Variants in SLC6A3 observed in about 807,000 individuals in gnomAD.
SLC6A3 encodes the protein solute carrier family 6 member 3.
A neutral mutation model predicts 70.4 loss-of-function variants in SLC6A3; 19 were observed. The ratio of observed to expected loss-of-function variants is 0.27; its 90% CI spans 0.19 to 0.40. The LOEUF (loss-of-function observed/expected upper bound fraction) is 0.40. Among genes scored for constraint, SLC6A3 ranks in the 10% least tolerant of loss-of-function variants. SLC6A3 has a pLI of 1.00. For synonymous variants in SLC6A3, 368 were observed against 356.6 expected, an observed-to-expected ratio of 1.03 and a Z score of -0.36; for missense variants, 613 against 838.5, an observed-to-expected ratio of 0.73 and a Z score of 3.32.
rs1240496502 is a variant in SLC6A3 at position 1,397,288 on chromosome 5, A to G, written c.1840-2530T>C. On this transcript the variant is annotated intron_variant, in intron 14 of 14. Transcript: ENST00000270349. The surrounding 1 kb of genome is among the most constrained non-coding windows in gnomAD (Gnocchi z 4.7). ...GAGAGGAAAAATAAAAAGAAACCAA[A>G]TTAACGGTGGTGGGTGCCTGCAGTC... 1.3e-5 allele frequency among the ~76,000 whole-genome samples: 2 copies of G among 152,120 alleles called. No homozygotes were observed. The highest frequency in any genetic ancestry group is 4.8e-5 in the African/African-American group (2 of 41,438).
intron 8 of SLC6A3, 45 bp downstream of exon 8, chr5:1,414,646 C>T (rs768979705): frequency 2.1e-5 from 33 of 1,607,572 alleles, no homozygotes; most frequent in Non-Finnish European, 2.7e-5. Context: ...GAGCTCGGCG[C>T]TGGTGCTACA....
chr5:1,415,971 C>T (rs1489907787), intron 7 of SLC6A3, 127 bp downstream of exon 7: 7 of 741,292 alleles, frequency 9.4e-6, no homozygotes, highest in Admixed American at 2.0e-5. Context: ...TGAAAGGCCA[C>T]GCAGCTCACA....
intron 4 of SLC6A3, 44 bp downstream of exon 4, chr5:1,432,420 G>C (rs761705494): frequency 1.4e-6 from 2 of 1,467,456 alleles, no homozygotes; most frequent in East Asian, 4.6e-5. Flanking sequence ...GGGGGACCTG[G>C]CTGCGCCATC....
intron 6 of SLC6A3, 149 bp downstream of exon 6, chr5:1,420,420 A>G: frequency 1.2e-6 from 1 of 846,836 alleles, no homozygotes; most frequent in Non-Finnish European, 2.0e-6. Context: ...CTCGTGCTGT[A>G]TCACAGGTAC....
rs1256522536 is a variant in SLC6A3, at chr5:1,404,938, C to T, written c.1599+1250G>A. Among the ~76,000 whole-genome samples the T allele has an allele frequency of 6.6e-6, 1 of 152,228 alleles. No individual in the cohort carries two copies. The highest frequency in any genetic ancestry group is 1.5e-5 in the Non-Finnish European group (1 of 68,054). On this transcript the variant is annotated intron_variant, in intron 12 of 14. Transcript: ENST00000270349. The surrounding 1 kb of genome is among the most constrained non-coding windows in gnomAD (Gnocchi z 5.2). ...CCTCTGGGTGTTAAGAGGAGACACC[C>T]CCTCAAGGGGAGCCAACGTCCTCAT...
chr5:1,399,624 G>A (rs531899422), intron 14 of SLC6A3, among the ~76,000 whole-genome samples: 7 of 152,174 alleles, frequency 4.6e-5, no homozygotes, highest in East Asian at 1.9e-4. Flanking sequence ...GAGCAGGACC[G>A]GAGGCCCAGT....
chr5:1,412,389 TAA>T (rs1486533191), intron 8 of SLC6A3, among the ~76,000 whole-genome samples: 1 of 152,168 alleles, frequency 6.6e-6, no homozygotes, highest in African/African-American at 2.4e-5. Flanking sequence ...GCTTCGGAGA[TAA>T]GAGACAAACC....
intron 9 of SLC6A3, among the ~76,000 whole-genome samples, chr5:1,410,801 T>C (rs913254430): frequency 6.6e-6 from 1 of 151,990 alleles, no homozygotes; most frequent in Non-Finnish European, 1.5e-5. Flanking sequence ...TGCATGTCTG[T>C]GTGTATGTGT....
chr5:1,404,009 G>A lies in SLC6A3; in HGVS notation c.1600-920C>T, dbSNP rs535795830. On this transcript the variant is annotated intron_variant, in intron 12 of 14. Transcript: ENST00000270349. The surrounding 1 kb of genome is among the most constrained non-coding windows in gnomAD (Gnocchi z 5.2). ...TCTGTGTACCTGGGTCCTTCCCAAG[G>A]ACACAAGTGAAGCTCTGATAGATAT... Among the ~76,000 whole-genome samples the A allele has an allele frequency of 6.6e-6, 1 of 152,348 alleles. No individual in the cohort carries two copies. The highest frequency in any genetic ancestry group is 1.9e-4 in the East Asian group (1 of 5,190).
chr5:1,398,976 A>G (rs73028257), intron 14 of SLC6A3, among the ~76,000 whole-genome samples: 11,307 of 152,284 alleles, frequency 0.074, 1,209 homozygotes, highest in African/African-American at 0.24. Flanking sequence ...TGGGTAACAT[A>G]ATATATAACC....
rs1756859008 is a variant in SLC6A3, at chr5:1,437,252, A to T, written c.418+4107T>A. On this transcript the variant is annotated intron_variant, in intron 3 of 14. Coordinates refer to ENST00000270349, the MANE Select transcript of SLC6A3 (RefSeq NM_001044.5). The surrounding 1 kb of genome is among the most constrained non-coding windows in gnomAD (Gnocchi z 4.8). ...GTGACAGAGCGAGATTCCGTCTCAC[A>T]AAAAAAAAAAAAAAGAAAAGAAAAG... 1.9e-5 allele frequency among the ~76,000 whole-genome samples: 1 copy of T among 52,066 alleles called. No individual in the cohort carries two copies. Among genetic ancestry groups the T allele is most frequent in the African/African-American group, 7.4e-5 (1 of 13,568 alleles). The allele number at this position is 52,066 out of a possible 152,430, so 34.2% of individuals were successfully genotyped here. A position where few individuals can be genotyped will look rare whatever the true frequency, so the allele number is the denominator to read the frequency against.
chr5:1,429,476 T>C (rs1319513879), intron 4 of SLC6A3, among the ~76,000 whole-genome samples: 2 of 152,238 alleles, frequency 1.3e-5, no homozygotes, highest in Admixed American at 6.5e-5. Flanking sequence ...AACTTCCAAA[T>C]AGACTTCGCT....
rs567977633 is a variant in SLC6A3 at position 1,410,125 on chromosome 5, G to A, written c.1270-276C>T. Among the ~76,000 whole-genome samples, 15 of 152,294 alleles carry A rather than the reference G, an allele frequency of 9.8e-5. No individual in the cohort carries two copies. In the East Asian group the frequency reaches 1.9e-3, roughly 20 times the overall value. The stretch of plus-strand genomic sequence containing the variant: ...CGATGTCTCTGGGTGGGTAAGATGC[G>A]GCATGGCTAAAACAATGCCACCCTG... On this transcript the variant is annotated intron_variant, in intron 9 of 14. Transcript: ENST00000270349.
At chr5:1,432,788 G>A in intron 3 of SLC6A3, 90 bp from the exon 4 acceptor site, 2 of 878,696 alleles carry the variant, frequency 2.3e-6, no homozygotes, top group Non-Finnish European at 3.8e-6. Context: ...CCTCACGGGA[G>A]ACATTACCCT....
At chr5:1,431,926 A>G (rs1413429369) in intron 4 of SLC6A3, among the ~76,000 whole-genome samples, 1 of 152,192 alleles carries the variant, frequency 6.6e-6, no homozygotes, top group Non-Finnish European at 1.5e-5. Context: ...TGAAAAGCGG[A>G]CGGCTGGGTC....
rs907627083 is a variant in SLC6A3, at chr5:1,411,030, G to T, written c.1269+213C>A. 5.3e-5 allele frequency among the ~76,000 whole-genome samples: 8 copies of T among 152,126 alleles called. No individual in the cohort carries two copies. Among genetic ancestry groups the T allele is most frequent in the African/African-American group, 1.9e-4 (8 of 41,434 alleles). ...AGGGCACACAGGTACCCCAGAGTAG[G>T]GGGATAAAGGGAAAGGTAAACTCCA... On this transcript the variant is annotated intron_variant, in intron 9 of 14. Coordinates refer to ENST00000270349, the MANE Select transcript of SLC6A3 (RefSeq NM_001044.5). The surrounding 1 kb of genome is among the most constrained non-coding windows in gnomAD (Gnocchi z 6.5).
chr5:1,442,902 T>C lies in SLC6A3; in HGVS notation c.286+10A>G. On this transcript the variant is annotated intron_variant, in intron 2 of 14. Transcript: ENST00000270349. The surrounding 1 kb of genome is among the most constrained non-coding windows in gnomAD (Gnocchi z 5.0). ...GCCAGCATGCTCAGGGAGGCTGAGA[T>C]GGGACTTACCGCCACCATTTTTGTA... The C allele has an allele frequency of 6.2e-7, 1 of 1,614,070 alleles. No homozygotes were observed. The highest frequency in any genetic ancestry group is 8.5e-7 in the Non-Finnish European group (1 of 1,179,960).
chr5:1,401,046 C>A lies in SLC6A3; in HGVS notation c.1768-60G>T. On this transcript the variant is annotated intron_variant, in intron 13 of 14. Transcript: ENST00000270349. This position sits in a 1 kb window ranked among gnomAD's most constrained non-coding sequence, Gnocchi z 6.1. ...ACCAGTACCCACTGCCAGCACCCAC[C>A]ACTGACTCACACTGCCAGGACCCTC... 8.1e-7 allele frequency: 1 copy of A among 1,237,414 alleles called. No homozygotes were observed. 76.7% of individuals were successfully genotyped at this position (1,237,414 alleles called of 1,614,324 possible).
In SLC6A3 at chr5:1,421,780, A is replaced by G; in HGVS notation, c.792+96T>C. 7.2e-7 allele frequency: 1 copy of G among 1,391,724 alleles called. No individual in the cohort carries two copies. Among genetic ancestry groups the G allele is most frequent in the Non-Finnish European group, 1.0e-6 (1 of 985,754 alleles). The allele number at this position is 1,391,724 out of a possible 1,614,324, so 86.2% of individuals were successfully genotyped here. On this transcript the variant is annotated intron_variant, in intron 5 of 14. Transcript: ENST00000270349. This position sits in a 1 kb window ranked among gnomAD's most constrained non-coding sequence, Gnocchi z 7.2. Reference sequence around the variant, plus strand: ...GGCCACATTGGTAGCACAAAACCCAACTGAGGCCACACGTGCACCTCCTGT... The same window carrying G: ...GGCCACATTGGTAGCACAAAACCCAGCTGAGGCCACACGTGCACCTCCTGT...
Sources: gnomAD v4.1 joint callset for allele counts (sites outside exome capture counted in the v4.1 genomes callset) on GRCh38, gnomAD v4.1.1 for gene constraint, Gnocchi (gnomAD v3.1) non-coding constraint, MANE v1.5 for transcripts, NCBI Gene and HGNC (gene_info 2026-07-23, HGNC 2026-07-21) for gene names.